The following LIPE variants were observed in gnomAD, a reference collection of about 807,000 sequenced individuals.
The protein encoded by LIPE is hormone-sensitive lipase.
Under a neutral mutation model 88.5 loss-of-function variants are expected in LIPE, and 66 were observed. That is an observed-to-expected ratio of 0.75 (90% CI 0.61 to 0.91). The LOEUF (loss-of-function observed/expected upper bound fraction) is 0.91, where lower values mean the gene tolerates loss of function less well. Among genes scored for constraint, LIPE ranks in the 40% least tolerant of loss-of-function variants. The pLI, the probability that LIPE is intolerant of heterozygous loss-of-function variation, is 0.00. For synonymous variants in LIPE, 570 were observed against 617.5 expected (o/e 0.92, Z 1.14); for missense variants, 1,346 against 1,434.7 (o/e 0.94, Z 1.00).
At chr19:42,403,847 G>C (rs2040079052) in intron 8 of LIPE, among the ~76,000 whole-genome samples, 1 of 152,042 alleles carries the variant, frequency 6.6e-6, no homozygotes. Flanking sequence ...ACATTTCTAG[G>C]GGTCTGGCAC....
chr19:42,411,376 A>G, intron 1 of LIPE: 1 of 975,684 alleles, frequency 1.0e-6, no homozygotes, highest in Non-Finnish European at 1.2e-6. Flanking sequence ...TCCTTCTCCT[A>G]GATTCCAAGA....
intron 2 of LIPE, among the ~76,000 whole-genome samples, chr19:42,409,458 T>C (rs901345932): frequency 1.4e-5 from 2 of 142,998 alleles, no homozygotes; most frequent in African/African-American, 5.3e-5. Flanking sequence ...AATGGAGCCA[T>C]AGGAGGCCAA....
Position 42,407,807 on chromosome 19 carries a change from A to T in LIPE, c.1657-16T>A. 6.5e-7 allele frequency: 1 copy of T among 1,548,254 alleles called. No homozygotes were observed. Among genetic ancestry groups the T allele is most frequent in the East Asian group, 2.3e-5 (1 of 44,308 alleles). ...TGGCCAGAGACTGGAGGGAGGGGAC[A>T]GAAGGGGTGCTAGGGAAGGTCTGCC... On this transcript the variant is annotated splice_polypyrimidine_tract_variant and intron_variant, in intron 4 of 9. Transcript: ENST00000244289. The surrounding 1 kb of genome is among the most constrained non-coding windows in gnomAD (Gnocchi z 5.8).
rs1486662518 is a variant in LIPE at position 42,410,824 on chromosome 19, T to C, written c.902A>G (p.Asn301Ser). Reference sequence around the variant, plus strand: ...CTGTGTCATTGTGCGCAGGTCCATGTTGTGGATGAGCCTTGAGGCTGTGGG... The same window carrying C: ...CTGTGTCATTGTGCGCAGGTCCATGCTGTGGATGAGCCTTGAGGCTGTGGG... ...YQDTASRLIH[N>S]MDLRTMTQSL... Residue 301 changes from asparagine (N) to serine (S), a missense_variant, in exon 2 of 10, where the codon AAC becomes AGC. Asn to Ser is a conservative substitution (Grantham distance 46, BLOSUM62 1). Transcript: ENST00000244289. This position sits in a 1 kb window ranked among gnomAD's most constrained non-coding sequence, Gnocchi z 6.1. 1.9e-6 allele frequency: 3 copies of C among 1,566,450 alleles called. No individual in the cohort carries two copies. Among genetic ancestry groups the C allele is most frequent in the Admixed American group, 1.8e-5 (1 of 55,826 alleles).
intron 1 of LIPE, chr19:42,412,668 A>G (rs964755612): frequency 4.8e-6 from 3 of 622,924 alleles, no homozygotes; most frequent in African/African-American, 2.0e-5. Context: ...CAGACCCAGG[A>G]GTCCAGGCCC....
Position 42,402,005 on chromosome 19 carries a change from G to T in LIPE, c.3038C>A (p.Pro1013Gln), listed in dbSNP as rs779870684. ...LARRLRNLGQ[P>Q]VTLRVVEDLP... ...GTCCTCCACCACGCGCAGCGTCACC[G>T]GCTGGCCCAGGTTGCGCAGTCGCCG... Residue 1013 changes from proline to glutamine, a missense_variant, in exon 10 of 10, where the codon CCG becomes CAG. Transcript: ENST00000244289. 2 of 1,548,728 alleles carry T rather than the reference G, an allele frequency of 1.3e-6. No homozygotes were observed. Among genetic ancestry groups the T allele is most frequent in the Non-Finnish European group, 1.7e-6 (2 of 1,148,842 alleles).
rs764107903 is a variant in LIPE, at chr19:42,407,605, C to G, written c.1842+1G>C. On this transcript the variant is annotated splice_donor_variant, in intron 5 of 9. Coordinates refer to ENST00000244289, the MANE Select transcript of LIPE (RefSeq NM_005357.4). LOFTEE classifies it high-confidence loss of function. The surrounding 1 kb of genome is among the most constrained non-coding windows in gnomAD (Gnocchi z 5.8). Reference sequence around the variant, plus strand: ...GTCCCTGGCTGAGGCTGGAACCCTACCTGTCCTTCACGCAGGTCATAGGAG... The same window carrying G: ...GTCCCTGGCTGAGGCTGGAACCCTAGCTGTCCTTCACGCAGGTCATAGGAG... 28 of 1,604,936 alleles carry G rather than the reference C, an allele frequency of 1.7e-5. No homozygotes were observed.
At position 42,414,155 on chromosome 19, in the gene LIPE, G is replaced by A. The variant is rs2040441422; in HGVS notation, c.884-3313C>T. ...AGCGGTATGGTGGTGGATGCCTGTA[G>A]TCCCCACTATTGGGAGGCTGAGACA... is the stretch of plus-strand genomic sequence containing the variant. On this transcript the variant is annotated intron_variant, in intron 1 of 9. Coordinates refer to ENST00000244289, the MANE Select transcript of LIPE (RefSeq NM_005357.4). This position sits in a 1 kb window ranked among gnomAD's most constrained non-coding sequence, Gnocchi z 4.6. Among the ~76,000 whole-genome samples the A allele has an allele frequency of 6.6e-6, 1 of 152,070 alleles. No individual in the cohort carries two copies. The highest frequency in any genetic ancestry group is 2.4e-5 in the African/African-American group (1 of 41,396).
At position 42,410,973 on chromosome 19, in the gene LIPE, GC is replaced by G. The variant is rs2040359274; in HGVS notation, c.884-132del. The G allele has an allele frequency of 1.1e-6, 1 of 899,820 alleles. No individual in the cohort carries two copies. Among genetic ancestry groups the G allele is most frequent in the Non-Finnish European group, 1.7e-6 (1 of 605,620 alleles). The allele number at this position is 899,820 out of a possible 1,614,324, so 55.7% of individuals were successfully genotyped here. A position where few individuals can be genotyped will look rare whatever the true frequency, so the allele number is the denominator to read the frequency against. On this transcript the variant is annotated intron_variant, in intron 1 of 9. Transcript: ENST00000244289. This position sits in a 1 kb window ranked among gnomAD's most constrained non-coding sequence, Gnocchi z 6.1. ...GTGCTGTCTTCTTTCAGTTCCAGGG[GC>G]CCAGGACCCCAGGTTCCTCCTCCCT... is the stretch of plus-strand genomic sequence containing the variant.
At chr19:42,413,398 G>A (rs916430169) in intron 1 of LIPE, among the ~76,000 whole-genome samples, 3 of 152,248 alleles carry the variant, frequency 2.0e-5, no homozygotes, top group Non-Finnish European at 4.4e-5. Flanking sequence ...AGGCGTGGTG[G>A]CTCACGCCTG....
In LIPE at chr19:42,403,085, G is replaced by A. The variant is rs757766575; in HGVS notation, c.2543-54C>T. The A allele has an allele frequency of 2.0e-6, 3 of 1,472,654 alleles. No individual in the cohort carries two copies. In the Admixed American group the frequency reaches 6.6e-5, roughly 32 times the overall value. 91.2% of individuals were successfully genotyped at this position (1,472,654 alleles called of 1,614,324 possible). A position where few individuals can be genotyped will look rare whatever the true frequency, so the allele number is the denominator to read the frequency against. On this transcript the variant is annotated intron_variant, in intron 8 of 9. Coordinates refer to ENST00000244289, the MANE Select transcript of LIPE (RefSeq NM_005357.4). Reference sequence around the variant, plus strand: ...CTCCGTTAGTTTGGTTGTGTGTGTGGCTGGCAGGGAATGCCATGGGAAGGG... The same window carrying A: ...CTCCGTTAGTTTGGTTGTGTGTGTGACTGGCAGGGAATGCCATGGGAAGGG...
rs750143335 is a variant in LIPE at position 42,402,641 on chromosome 19, C to T, written c.2933G>A (p.Ser978Asn). Residue 978 changes from serine to asparagine, a missense_variant, in exon 9 of 10, where the codon AGC (serine) becomes AAC (asparagine). Ser to Asn is a conservative substitution (Grantham distance 46). Coordinates refer to ENST00000244289, the MANE Select transcript of LIPE (RefSeq NM_005357.4). ...PFMSPLLAPD[S>N]MLKSLPPVHI... ...CACAGGTGGCAGGCTCTTGAGCATG[C>T]TGTCGGGTGCCAGCAGCGGCGACAT... 5.3e-6 allele frequency: 8 copies of T among 1,497,590 alleles called. No homozygotes were observed. The Admixed American group carries it at 1.6e-4, about 30-fold the overall frequency. The allele number at this position is 1,497,590 out of a possible 1,614,324, so 92.8% of individuals were successfully genotyped here. A position where few individuals can be genotyped will look rare whatever the true frequency, so the allele number is the denominator to read the frequency against.
rs746361434 is a variant in LIPE at position 42,408,326 on chromosome 19, T to C, written c.1420-4A>G. On this transcript the variant is annotated splice_region_variant and splice_polypyrimidine_tract_variant and intron_variant, in intron 2 of 9. Transcript: ENST00000244289. This position sits in a 1 kb window ranked among gnomAD's most constrained non-coding sequence, Gnocchi z 4.3. ...ATGGCCGGATGGCAGGCGTGAACTGTGGAGAGACGCGGCTGCGTCACCCAC... is the reference window on the plus strand; with the variant it reads ...ATGGCCGGATGGCAGGCGTGAACTGCGGAGAGACGCGGCTGCGTCACCCAC... The C allele has an allele frequency of 2.5e-6, 4 of 1,612,960 alleles. No homozygotes were observed. Among genetic ancestry groups the C allele is most frequent in the Non-Finnish European group, 3.4e-6 (4 of 1,179,408 alleles).
intron 1 of LIPE, 95 bp downstream of exon 1, chr19:42,426,172 C>T (rs1271420612): frequency 2.9e-6 from 3 of 1,017,842 alleles, no homozygotes; most frequent in East Asian, 2.6e-5. Flanking sequence ...GAAGGATGAC[C>T]AGAGCTAACC....
chr19:42,401,959 G>A lies in LIPE; in HGVS notation c.3084C>T (p.Thr1028=), dbSNP rs1285999044. The A allele has an allele frequency of 6.4e-7, 1 of 1,558,442 alleles. No individual in the cohort carries two copies. Among genetic ancestry groups the A allele is most frequent in the South Asian group, 1.2e-5 (1 of 84,742 alleles). Residue 1028 remains threonine (T), a synonymous_variant, in exon 10 of 10, where the codon ACC becomes ACT. Transcript: ENST00000244289. The part of the protein sequence containing the change: ...VVEDLPHGFL[T]LAALCRETRQ... ...GCGTCTCGCGGCACAGCGCCGCTAG[G>A]GTCAGGAAGCCGTGCGGCAGGTCCT...
chr19:42,412,777 G>A (rs975297740), intron 1 of LIPE, among the ~76,000 whole-genome samples: 3 of 152,200 alleles, frequency 2.0e-5, no homozygotes, highest in African/African-American at 7.2e-5. Flanking sequence ...TCCCCAGAGA[G>A]GACTCAGGGA....
intron 1 of LIPE, among the ~76,000 whole-genome samples, chr19:42,417,413 C>A (rs77213871): frequency 0.011 from 1,712 of 151,936 alleles, 26 homozygotes; most frequent in African/African-American, 0.039. Flanking sequence ...ATGGGCACCA[C>A]TATGCCTGGT....
In LIPE at chr19:42,426,971, T is replaced by C; in HGVS notation, c.179A>G (p.Gln60Arg). The change falls in exon 1 of 10, where the codon CAG becomes CGG. Residue 60 changes from glutamine (Q) to arginine (R), a missense_variant. Physicochemically the swap from Gln to Arg is conservative, Grantham distance 43. Transcript: ENST00000244289. ...ATCATGTTGTGCAGGGGTCTCCTGC[T>C]GGGTGAGGGGTCTTTGGTTTGAAGC... ...KPASNQRPLT[Q>R]QETPAQHDAE... 1 of 1,614,082 alleles carries C rather than the reference T, an allele frequency of 6.2e-7. No individual in the cohort carries two copies. Among genetic ancestry groups the C allele is most frequent in the Admixed American group, 1.7e-5 (1 of 59,996 alleles).
rs777805695 is a variant in LIPE, at chr19:42,406,365, G to A, written c.2161C>T (p.Leu721Phe). Residue 721 changes from leucine (L) to phenylalanine (F), a missense_variant, in exon 7 of 10, where the codon CTT becomes TTT. Coordinates refer to ENST00000244289, the MANE Select transcript of LIPE (RefSeq NM_005357.4). This position sits in a 1 kb window ranked among gnomAD's most constrained non-coding sequence, Gnocchi z 5.7. Reference sequence around the variant, plus strand: ...TTCCCGCCTGCACTGTCCCCCGCAAGGCAGATTCGTTCCCCTGTTGAGCCT... The same window carrying A: ...TTCCCGCCTGCACTGTCCCCCGCAAAGCAGATTCGTTCCCCTGTTGAGCCT... The part of the protein sequence containing the change: ...LLGSTGERIC[L>F]AGDSAGGNLC... 3 of 1,613,616 alleles carry A rather than the reference G, an allele frequency of 1.9e-6. No individual in the cohort carries two copies. Among genetic ancestry groups the A allele is most frequent in the South Asian group, 1.1e-5 (1 of 91,072 alleles).
Sources: gnomAD v4.1 joint callset for allele counts (sites outside exome capture counted in the v4.1 genomes callset) on GRCh38, gnomAD v4.1.1 for gene constraint, Gnocchi (gnomAD v3.1) non-coding constraint, MANE v1.5 for transcripts, NCBI Gene and HGNC (gene_info 2026-07-23, HGNC 2026-07-21) for gene names.